Variants in PI4KB observed in about 807,000 individuals in gnomAD.
The protein encoded by PI4KB is phosphatidylinositol 4-kinase beta, also known as PtdIns 4-kinase beta.
A neutral mutation model predicts 81.4 loss-of-function variants in PI4KB; 23 were observed. The ratio of observed to expected loss-of-function variants is 0.28; its 90% CI spans 0.20 to 0.40. The LOEUF (loss-of-function observed/expected upper bound fraction) is 0.40. Among genes scored for constraint, PI4KB ranks in the 10% least tolerant of loss-of-function variants. The pLI, the probability that PI4KB is intolerant of heterozygous loss-of-function variation, is 1.00. For missense variants in PI4KB, 651 were observed against 1,036.6 expected, an observed-to-expected ratio of 0.63 and a Z score of 5.11; for synonymous variants, 381 against 406.8, an observed-to-expected ratio of 0.94 and a Z score of 0.76.
chr1:151,298,523 C>G (rs1694989314), intron 9 of PI4KB: 3 of 453,662 alleles, frequency 6.6e-6, no homozygotes, highest in Non-Finnish European at 1.2e-5. Flanking sequence ...ATGTACCTCC[C>G]CTGCAGCTTC....
rs367782946 is a variant in PI4KB at position 151,303,644 on chromosome 1, C to T, written c.1417G>A (p.Glu473Lys). The T allele has an allele frequency of 4.2e-5, 68 of 1,611,792 alleles. 1 individual carries two copies. Among genetic ancestry groups the T allele is most frequent in the South Asian group, 1.3e-4 (12 of 91,010 alleles). ...TTGTCACAGCTGTTGGTATGCACTTCGGGGAGCTGGAGAAAGGGGAGTGCT... is the reference window on the plus strand; with the variant it reads ...TTGTCACAGCTGTTGGTATGCACTTTGGGGAGCTGGAGAAAGGGGAGTGCT... ...DIGELQVELP[E>K]VHTNSCDNIS... The change falls in exon 6 of 12, where the codon GAA (glutamate) becomes AAA (lysine). Residue 473 changes from glutamate to lysine, a missense_variant. Glu to Lys is a moderately conservative substitution (Grantham distance 56). Around this residue, in one of 5 missense-constraint regions of PI4KB, gnomAD observed 246 missense variants for 430.1 expected, o/e 0.57. Transcript: ENST00000368873.
At chr1:151,304,492 C>T (rs186828429) in intron 5 of PI4KB, among the ~76,000 whole-genome samples, 8 of 146,776 alleles carry the variant, frequency 5.5e-5, no homozygotes, top group African/African-American at 1.5e-4. Context: ...TACAGGCGCG[C>T]GCCACCATGC....
chr1:151,311,271 G>T (rs909039647), intron 2 of PI4KB, among the ~76,000 whole-genome samples: 1 of 152,078 alleles, frequency 6.6e-6, no homozygotes, highest in Non-Finnish European at 1.5e-5. Flanking sequence ...GGACGTTGAG[G>T]TCGGGGTGGG....
intron 9 of PI4KB, 61 bp downstream of exon 9, chr1:151,298,747 C>A (rs75634245): frequency 1.3e-6 from 2 of 1,547,650 alleles, no homozygotes; most frequent in East Asian, 2.3e-5. Flanking sequence ...TTGAGAACTA[C>A]ACACGAAGGG....
At chr1:151,310,137 G>A in intron 3 of PI4KB, 74 bp downstream of exon 3, 3 of 1,090,206 alleles carry the variant, frequency 2.8e-6, no homozygotes, top group Non-Finnish European at 1.4e-6. Flanking sequence ...TGGGGGCTCA[G>A]AAGACCTGGG....
Position 151,297,537 on chromosome 1 carries a change from AAATT to A in PI4KB, c.2015+1267_2015+1270del, listed in dbSNP as rs1314393301. ...TGTATGTATGTGTATGTATATATAT[AAATT>A]TTTTTTTTTTTTTGAGTTGGAATTT... On this transcript the variant is annotated intron_variant, in intron 9 of 11. Coordinates refer to ENST00000368873, the MANE Select transcript of PI4KB (RefSeq NM_001369623.2). Among the ~76,000 whole-genome samples, 3 of 150,514 alleles carry A rather than the reference AAATT, an allele frequency of 2.0e-5. No individual in the cohort carries two copies. In the East Asian group the frequency reaches 5.8e-4, roughly 29 times the overall value.
chr1:151,323,528 GC>G (rs1308764521), intron 1 of PI4KB, among the ~76,000 whole-genome samples: 1 of 151,776 alleles, frequency 6.6e-6, no homozygotes, highest in Non-Finnish European at 1.5e-5. Context: ...TTCGTGACCA[GC>G]CTGGCCAACA....
At chr1:151,325,649 A>C (rs1649501651) in intron 1 of PI4KB, among the ~76,000 whole-genome samples, 1 of 152,194 alleles carries the variant, frequency 6.6e-6, no homozygotes. Flanking sequence ...TGAAGGAAGC[A>C]GGCCTGGAGC....
At chr1:151,322,301 G>A (rs933501167) in intron 1 of PI4KB, among the ~76,000 whole-genome samples, 1 of 152,204 alleles carries the variant, frequency 6.6e-6, no homozygotes. Flanking sequence ...AGAAGACACA[G>A]AAGATATACA....
In PI4KB at chr1:151,301,926, C is replaced by T; in HGVS notation, c.1667G>A (p.Trp556Ter). 1 of 1,614,038 alleles carries T rather than the reference C, an allele frequency of 6.2e-7. No homozygotes were observed. Among genetic ancestry groups the T allele is most frequent in the East Asian group, 2.2e-5 (1 of 44,884 alleles). Residue 556 changes from tryptophan (W) to a stop codon, truncating the protein, a stop_gained, in exon 8 of 12, where the codon TGG becomes TAG. Transcript: ENST00000368873. LOFTEE classifies it high-confidence loss of function. The stretch of plus-strand genomic sequence containing the variant: ...CTTGACAATGACTGACAGGAGCCGC[C>T]AATTGGGGAGATGGCCGTAGGGGGA... ...EGSPYGHLPN[W>*]RLLSVIVKCG...
At chr1:151,302,842 C>G (rs587701620) in intron 6 of PI4KB, among the ~76,000 whole-genome samples, 1 of 151,642 alleles carries the variant, frequency 6.6e-6, no homozygotes, top group African/African-American at 2.4e-5. Flanking sequence ...CTCAGCCTCC[C>G]AAAGTGTTGG....
intron 1 of PI4KB, among the ~76,000 whole-genome samples, chr1:151,316,845 C>T (rs550142013): frequency 2.6e-5 from 4 of 152,192 alleles, no homozygotes; most frequent in South Asian, 2.1e-4. Context: ...GTTGTTGAGA[C>T]GGAGTCTCGC....
chr1:151,294,375 G>T, intron 10 of PI4KB, 34 bp downstream of exon 10: 2 of 1,607,156 alleles, frequency 1.2e-6, no homozygotes, highest in South Asian at 1.1e-5. Flanking sequence ...AGAATACAAT[G>T]ACCCCCGAGA....
chr1:151,303,511 A>G (rs1695481336), intron 6 of PI4KB, 30 bp downstream of exon 6: 1 of 1,342,348 alleles, frequency 7.4e-7, no homozygotes, highest in Admixed American at 1.7e-5. Context: ...AGAGGGATGA[A>G]AAATGAGGGG....
Position 151,301,854 on chromosome 1 carries a change from T to C in PI4KB, c.1739A>G (p.Lys580Arg), listed in dbSNP as rs1273973139. 3 of 1,614,028 alleles carry C rather than the reference T, an allele frequency of 1.9e-6. No homozygotes were observed. The highest frequency in any genetic ancestry group is 2.5e-6 in the Non-Finnish European group (3 of 1,180,012). Residue 580 changes from lysine to arginine, a missense_variant, in exon 8 of 12, where the codon AAG becomes AGG. Physicochemically the swap from Lys to Arg is conservative, Grantham distance 26 (BLOSUM62 2). Transcript: ENST00000368873. ...RQELLAFQVL[K>R]QLQSIWEQER... ...CTTCTCTTCTCTTACCTGCAGTTGC[T>C]TCAACACCTGAAAGGCCAGAAGCTC...
intron 4 of PI4KB, among the ~76,000 whole-genome samples, chr1:151,307,056 T>C (rs912988286): frequency 4.6e-5 from 7 of 151,804 alleles, no homozygotes; most frequent in Admixed American, 1.3e-4. Context: ...GCCTCCGCAA[T>C]AGAGTGAGAC....
intron 6 of PI4KB, among the ~76,000 whole-genome samples, chr1:151,302,946 AC>A (rs1695418177): frequency 7.2e-6 from 1 of 139,098 alleles, no homozygotes; most frequent in African/African-American, 2.7e-5. Context: ...TCGCTTTGAG[AC>A]CCCACCTTGA....
intron 4 of PI4KB, among the ~76,000 whole-genome samples, chr1:151,306,644 T>C (rs1557798398): frequency 1.3e-5 from 2 of 152,168 alleles, no homozygotes; most frequent in Non-Finnish European, 2.9e-5. Context: ...GACTATCAAT[T>C]ACAGGCTGTA....
intron 1 of PI4KB, chr1:151,326,223 C>G: frequency 6.3e-7 from 1 of 1,593,430 alleles, no homozygotes; most frequent in Non-Finnish European, 8.6e-7. Context: ...GTGGCTGCTC[C>G]GGAGTAGTCA....
Sources: allele counts gnomAD v4.1 joint callset (sites outside exome capture counted in the v4.1 genomes callset), GRCh38; gene constraint gnomAD v4.1.1; regional missense constraint gnomAD v4.1.1; transcripts MANE v1.5; gene names NCBI Gene and HGNC (gene_info 2026-07-23, HGNC 2026-07-21).